MIPEP: variants seen among roughly 807,000 people sequenced by gnomAD.
MIPEP encodes mitochondrial intermediate peptidase.
Under a neutral mutation model 90.3 loss-of-function variants are expected in MIPEP, and 79 were observed. The ratio of observed to expected loss-of-function variants is 0.87; its 90% CI spans 0.73 to 1.05. The LOEUF is 1.05. Among genes scored for constraint, MIPEP ranks in the 50% least tolerant of loss-of-function variants. The pLI, the probability that MIPEP is intolerant of heterozygous loss-of-function variation, is 0.00. For synonymous variants in MIPEP, 334 were observed against 315.8 expected, an observed-to-expected ratio of 1.06 and a Z score of -0.61; for missense variants, 940 against 905.6, an observed-to-expected ratio of 1.04 and a Z score of -0.49.
chr13:23,848,325 C>T (rs951128283), intron 10 of MIPEP, among the ~76,000 whole-genome samples: 1 of 152,194 alleles, frequency 6.6e-6, no homozygotes. Context: ...CCTTCTTCTA[C>T]TCCTATTCCA....
intron 4 of MIPEP, among the ~76,000 whole-genome samples, chr13:23,877,590 C>T (rs1871119516): frequency 6.6e-6 from 1 of 152,196 alleles, no homozygotes; most frequent in Admixed American, 6.5e-5. Context: ...TCCAAACTTA[C>T]TGACTGAAGG....
chr13:23,731,183 A>G (rs1952200579), intron 18 of MIPEP, among the ~76,000 whole-genome samples: 1 of 152,240 alleles, frequency 6.6e-6, no homozygotes. Flanking sequence ...TTGGCAGGAA[A>G]TGCTAACTGA....
intron 16 of MIPEP, among the ~76,000 whole-genome samples, chr13:23,793,814 C>T (rs1952926439): frequency 6.6e-6 from 1 of 151,644 alleles, no homozygotes. Context: ...AGAAAGAGAG[C>T]ACTCCAGGCA....
chr13:23,868,523 A>C (rs1870643146), intron 7 of MIPEP, among the ~76,000 whole-genome samples: 1 of 152,020 alleles, frequency 6.6e-6, no homozygotes, highest in African/African-American at 2.4e-5. Flanking sequence ...CGGTGAGTGG[A>C]ATGTCTAACC....
chr13:23,882,888 G>T (rs1871325386), intron 2 of MIPEP, among the ~76,000 whole-genome samples: 2 of 151,868 alleles, frequency 1.3e-5, no homozygotes, highest in South Asian at 4.2e-4. Context: ...TAATCTACGG[G>T]TTGTGAATTT....
intron 10 of MIPEP, among the ~76,000 whole-genome samples, chr13:23,846,907 A>C (rs1216583392): frequency 6.6e-6 from 1 of 152,196 alleles, no homozygotes; most frequent in East Asian, 1.9e-4. Context: ...CCCTTTATAC[A>C]TATCTCATTT....
intron 16 of MIPEP, among the ~76,000 whole-genome samples, chr13:23,784,628 A>T (rs564444174): frequency 2.6e-5 from 4 of 152,362 alleles, no homozygotes; most frequent in South Asian, 4.1e-4. Flanking sequence ...AAAAGCCAAA[A>T]TTGACAAATG....
At chr13:23,792,117 T>G (rs962353529) in intron 16 of MIPEP, among the ~76,000 whole-genome samples, 1 of 152,176 alleles carries the variant, frequency 6.6e-6, no homozygotes, top group African/African-American at 2.4e-5. Flanking sequence ...TCCCCGCCTC[T>G]AAATGTTGGA....
chr13:23,771,872 T>C (rs373187240), intron 16 of MIPEP, among the ~76,000 whole-genome samples: 2 of 152,172 alleles, frequency 1.3e-5, no homozygotes, highest in East Asian at 3.8e-4. Context: ...AAGATCCCCC[T>C]AAGATCCTAT....
At chr13:23,830,220 T>C (rs1203127794) in intron 14 of MIPEP, among the ~76,000 whole-genome samples, 1 of 152,206 alleles carries the variant, frequency 6.6e-6, no homozygotes, top group Non-Finnish European at 1.5e-5. Flanking sequence ...AAATAAATGA[T>C]GGAATATTAT....
intron 14 of MIPEP, among the ~76,000 whole-genome samples, chr13:23,815,847 C>A (rs918713114): frequency 6.6e-6 from 1 of 152,074 alleles, no homozygotes; most frequent in African/African-American, 2.4e-5. Flanking sequence ...ATATTTTCTC[C>A]ACCTTAAGTA....
chr13:23,796,827 G>A (rs1325812946), intron 16 of MIPEP, among the ~76,000 whole-genome samples: 2 of 152,186 alleles, frequency 1.3e-5, no homozygotes, highest in Admixed American at 6.5e-5. Flanking sequence ...GGTAACAGCA[G>A]TGTCAGCTTA....
chr13:23,777,693 T>C (rs1002448493), intron 16 of MIPEP, among the ~76,000 whole-genome samples: 1 of 152,192 alleles, frequency 6.6e-6, no homozygotes, highest in Non-Finnish European at 1.5e-5. Context: ...TAGTTTGAGA[T>C]TGACTCCACT....
At chr13:23,820,365 T>C (rs1479320761) in intron 14 of MIPEP, among the ~76,000 whole-genome samples, 4 of 152,212 alleles carry the variant, frequency 2.6e-5, no homozygotes, top group Non-Finnish European at 5.9e-5. Flanking sequence ...GTCCTACCTT[T>C]ATAGAAACCC....
chr13:23,876,223 A>C (rs1696324304), intron 4 of MIPEP, among the ~76,000 whole-genome samples: 1 of 152,222 alleles, frequency 6.6e-6, no homozygotes, highest in African/African-American at 2.4e-5. Flanking sequence ...ATTCTGTTTC[A>C]ACTTTGTCAG....
At chr13:23,875,774 T>C (rs1259351158) in intron 4 of MIPEP, among the ~76,000 whole-genome samples, 1 of 152,198 alleles carries the variant, frequency 6.6e-6, no homozygotes, top group Non-Finnish European at 1.5e-5. Context: ...TTAAAATCAC[T>C]AATCCTATCA....
rs1224245742 is a variant in MIPEP, at chr13:23,878,272, T to C, written c.539+996A>G. 2.6e-5 allele frequency among the ~76,000 whole-genome samples: 4 copies of C among 152,320 alleles called. No homozygotes were observed. The East Asian group carries it at 7.7e-4, about 29-fold the overall frequency. On this transcript the variant is annotated intron_variant, in intron 4 of 18. Transcript: ENST00000382172. ...ACTGTGATGACACAGCTAGCTTCAC[T>C]AGTGTCCTGAGCATCAGGACTGATA...
intron 16 of MIPEP, among the ~76,000 whole-genome samples, chr13:23,787,479 T>G (rs888353235): frequency 2.1e-4 from 32 of 152,034 alleles, no homozygotes; most frequent in African/African-American, 7.5e-4. Flanking sequence ...TCCTGTCTCT[T>G]CTTCTAAGGC....
rs140651681 is a variant in MIPEP at position 23,809,505 on chromosome 13, T to C, written c.1728+345A>G. Among the ~76,000 whole-genome samples the C allele has an allele frequency of 8.7e-3, 1,327 of 152,146 alleles. 18 individuals are homozygous for C. Among genetic ancestry groups the C allele is most frequent in the African/African-American group, 0.031 (1,283 of 41,508 alleles). On this transcript the variant is annotated intron_variant, in intron 15 of 18. Transcript: ENST00000382172. ...GATTATAAGCATGCACCACCATGCC[T>C]GGCTAATTTTTGTATTTTTAGTAGA...
Sources: allele counts gnomAD v4.1 joint callset (sites outside exome capture counted in the v4.1 genomes callset), GRCh38; gene constraint gnomAD v4.1.1; transcripts MANE v1.5; gene names NCBI Gene and HGNC (gene_info 2026-07-23, HGNC 2026-07-21).